Variants in RASGRF1 observed in about 807,000 individuals in gnomAD.
The protein encoded by RASGRF1 is Ras protein specific guanine nucleotide releasing factor 1, also known as ras-specific guanine nucleotide-releasing factor 1.
In RASGRF1, 40 loss-of-function variants were observed where a neutral mutation model predicts 138.7. The ratio of observed to expected loss-of-function variants is 0.29; its 90% CI spans 0.22 to 0.38. The LOEUF (loss-of-function observed/expected upper bound fraction) is 0.38, where lower values mean the gene tolerates loss of function less well. Among genes scored for constraint, RASGRF1 ranks in the 10% least tolerant of loss-of-function variants. The pLI is 1.00. For missense variants in RASGRF1, 1,108 were observed against 1,650.4 expected (o/e 0.67, Z 5.69); for synonymous variants, 614 against 663.2 (o/e 0.93, Z 1.14).
At chr15:78,972,389 C>T (rs1298142074) in intron 25 of RASGRF1, among the ~76,000 whole-genome samples, 2 of 151,974 alleles carry the variant, frequency 1.3e-5, no homozygotes, top group East Asian at 1.9e-4. Flanking sequence ...GCGACCACAC[C>T]CGGCCTCATG....
chr15:78,990,179 C>T lies in RASGRF1; in HGVS notation c.3216+10G>A, dbSNP rs150844023. 4.5e-6 allele frequency: 7 copies of T among 1,572,652 alleles called. No homozygotes were observed. The highest frequency in any genetic ancestry group is 5.3e-6 in the Non-Finnish European group (6 of 1,142,264). On this transcript the variant is annotated intron_variant, in intron 22 of 26. Coordinates refer to ENST00000558480, the MANE Select transcript of RASGRF1 (RefSeq NM_001145648.3). Reference sequence around the variant, plus strand: ...ACCCCAGTGAGAGAGGCGCTCCCATCCATACTCACGTCATTGAAGTGCTTA... The same window carrying T: ...ACCCCAGTGAGAGAGGCGCTCCCATTCATACTCACGTCATTGAAGTGCTTA...
chr15:79,084,444 G>A (rs1241277818), intron 1 of RASGRF1, among the ~76,000 whole-genome samples: 1 of 152,228 alleles, frequency 6.6e-6, no homozygotes, highest in Non-Finnish European at 1.5e-5. Flanking sequence ...ACCTCATGAG[G>A]CTCTGCCCAG....
At position 79,015,310 on chromosome 15, in the gene RASGRF1, G is replaced by C; in HGVS notation, c.1826+17C>G. ...TCTGGAATGCTGCCTGGTCAAGATGGGGTTAAGGGCACTTACTTGATCATC... is the reference window on the plus strand; with the variant it reads ...TCTGGAATGCTGCCTGGTCAAGATGCGGTTAAGGGCACTTACTTGATCATC... On this transcript the variant is annotated intron_variant, in intron 13 of 26. Transcript: ENST00000558480. 1 of 1,603,562 alleles carries C rather than the reference G, an allele frequency of 6.2e-7. No homozygotes were observed. The highest frequency in any genetic ancestry group is 8.5e-7 in the Non-Finnish European group (1 of 1,170,334).
intron 8 of RASGRF1, among the ~76,000 whole-genome samples, chr15:79,031,007 G>T (rs1032682968): frequency 6.6e-6 from 1 of 152,206 alleles, no homozygotes; most frequent in Non-Finnish European, 1.5e-5. Context: ...TGGTTAACTA[G>T]AGCCTTGGGC....
At chr15:79,033,190 C>T (rs1367638289) in intron 6 of RASGRF1, among the ~76,000 whole-genome samples, 1 of 152,192 alleles carries the variant, frequency 6.6e-6, no homozygotes, top group East Asian at 1.9e-4. Flanking sequence ...CCCAAATCTG[C>T]CCTTCAACGA....
Position 79,054,344 on chromosome 15 carries a change from T to C in RASGRF1, c.531+3990A>G, listed in dbSNP as rs1017104723. 5.4e-4 allele frequency among the ~76,000 whole-genome samples: 82 copies of C among 152,250 alleles called. 2 individuals are homozygous for C. The highest frequency in any genetic ancestry group is 5.1e-3 in the Admixed American group (78 of 15,290). On this transcript the variant is annotated intron_variant, in intron 3 of 26. Transcript: ENST00000558480. The stretch of plus-strand genomic sequence containing the variant: ...AGGTGTTTTCTATTCATTTTTGAGC[T>C]GTTTTCTGTTTTAATAGTGGAGTGC...
intron 2 of RASGRF1, among the ~76,000 whole-genome samples, chr15:79,060,017 C>T (rs987717): frequency 1.2e-4 from 15 of 122,820 alleles, no homozygotes; most frequent in Non-Finnish European, 2.6e-4. Context: ...CACACACACA[C>T]ACACACACAC....
intron 13 of RASGRF1, among the ~76,000 whole-genome samples, chr15:79,007,827 A>T: frequency 6.6e-6 from 1 of 150,878 alleles, no homozygotes; most frequent in East Asian, 1.9e-4. Context: ...TGCTGGGATG[A>T]CAGGTGTGAG....
intron 3 of RASGRF1, among the ~76,000 whole-genome samples, chr15:79,054,618 T>C (rs1167248932): frequency 2.0e-5 from 3 of 152,238 alleles, no homozygotes; most frequent in Admixed American, 6.5e-5. Flanking sequence ...AATTTCTTGA[T>C]GGCAGAAGCC....
In RASGRF1 at chr15:79,057,213, C is replaced by T. The variant is rs566226022; in HGVS notation, c.531+1121G>A. Among the ~76,000 whole-genome samples, 10 of 151,110 alleles carry T rather than the reference C, an allele frequency of 6.6e-5. No individual in the cohort carries two copies. In the East Asian group the frequency reaches 1.7e-3, roughly 26 times the overall value. ...CCCATGGTGTCGCAGGGCAAGGCGACAGCCATCCCTGCTGCAGGCTGGCAG... is the reference window on the plus strand; with the variant it reads ...CCCATGGTGTCGCAGGGCAAGGCGATAGCCATCCCTGCTGCAGGCTGGCAG... On this transcript the variant is annotated intron_variant, in intron 3 of 26. Transcript: ENST00000558480.
intron 24 of RASGRF1, among the ~76,000 whole-genome samples, chr15:78,978,227 T>TTTTG (rs1567435760): frequency 6.4e-4 from 19 of 29,512 alleles, no homozygotes; most frequent in South Asian, 2.6e-3. Flanking sequence ...TTTGTTTTTT[T>TTTTG]TTTTTTTTTT....
chr15:78,969,511 G>A (rs1011917794), intron 26 of RASGRF1, among the ~76,000 whole-genome samples: 9 of 151,974 alleles, frequency 5.9e-5, no homozygotes, highest in South Asian at 2.1e-4. Context: ...TCTACTAAAC[G>A]TACAAAAATT....
chr15:79,076,773 C>A (rs1015229298), intron 1 of RASGRF1, among the ~76,000 whole-genome samples: 2 of 152,220 alleles, frequency 1.3e-5, no homozygotes, highest in Non-Finnish European at 2.9e-5. Context: ...CTCTCTTGCT[C>A]AAGCTGCTTT....
At chr15:79,079,903 C>T (rs958482772) in intron 1 of RASGRF1, among the ~76,000 whole-genome samples, 1 of 152,222 alleles carries the variant, frequency 6.6e-6, no homozygotes, top group African/African-American at 2.4e-5. Flanking sequence ...CAGGACACAC[C>T]TCCCTGGGAC....
At chr15:79,026,244 T>C (rs558318124) in intron 9 of RASGRF1, among the ~76,000 whole-genome samples, 4 of 152,356 alleles carry the variant, frequency 2.6e-5, no homozygotes, top group South Asian at 4.1e-4. Flanking sequence ...GCCTGCACTC[T>C]TACCATTGTC....
At chr15:79,019,968 C>T in intron 11 of RASGRF1, 73 bp downstream of exon 11, 1 of 1,571,600 alleles carries the variant, frequency 6.4e-7, no homozygotes, top group South Asian at 1.1e-5. Context: ...TAATGCCTGG[C>T]CCAACCTTTA....
chr15:79,062,308 C>T (rs938088328), intron 2 of RASGRF1, among the ~76,000 whole-genome samples: 2 of 152,202 alleles, frequency 1.3e-5, no homozygotes, highest in South Asian at 2.1e-4. Flanking sequence ...GAGGTCCAAT[C>T]GCTCCCCCTG....
rs141921030 is a variant in RASGRF1 at position 79,078,336 on chromosome 15, T to C, written c.276+11887A>G. Among the ~76,000 whole-genome samples the C allele has an allele frequency of 6.6e-4, 101 of 152,082 alleles. No homozygotes were observed. The East Asian group carries it at 0.016, about 24-fold the overall frequency. ...ACCCTTGCAGGCCACCCCAAGAGCA[T>C]CTTCCAACCTCTCTCACAGCTGCTG... On this transcript the variant is annotated intron_variant, in intron 1 of 26. Coordinates refer to ENST00000558480, the MANE Select transcript of RASGRF1 (RefSeq NM_001145648.3).
In RASGRF1 at chr15:78,991,938, G is replaced by A. The variant is rs1595877487; in HGVS notation, c.3028-144C>T. 3 of 645,198 alleles carry A rather than the reference G, an allele frequency of 4.6e-6. No homozygotes were observed. The East Asian group carries it at 8.2e-5, about 18-fold the overall frequency. The allele number at this position is 645,198 out of a possible 1,614,324, so 40.0% of individuals were successfully genotyped here. ...TATGACGCTGCCTCGAATCTGATGAGAGGGTGGATGGAGTATGATGAGGGG... is the reference window on the plus strand; with the variant it reads ...TATGACGCTGCCTCGAATCTGATGAAAGGGTGGATGGAGTATGATGAGGGG... On this transcript the variant is annotated intron_variant, in intron 20 of 26. Transcript: ENST00000558480.
Sources: allele counts gnomAD v4.1 joint callset (sites outside exome capture counted in the v4.1 genomes callset), GRCh38; gene constraint gnomAD v4.1.1; transcripts MANE v1.5; gene names NCBI Gene and HGNC (gene_info 2026-07-23, HGNC 2026-07-21).